The following WDTC1 variants were observed in gnomAD, a reference collection of about 807,000 sequenced individuals.
The protein encoded by WDTC1 is WD and tetratricopeptide repeats 1, also known as WD and tetratricopeptide repeats protein 1.
In WDTC1, 12 loss-of-function variants were observed where a neutral mutation model predicts 76.0. That is an observed-to-expected ratio of 0.16 (90% CI 0.10 to 0.26). The LOEUF (loss-of-function observed/expected upper bound fraction) is 0.26, where lower values mean the gene tolerates loss of function less well. WDTC1 is among the 10% of genes least tolerant of loss of function. The pLI, the probability that WDTC1 is intolerant of heterozygous loss-of-function variation, is 1.00. For synonymous variants in WDTC1, 326 were observed against 350.8 expected, an observed-to-expected ratio of 0.93 and a Z score of 0.79; for missense variants, 511 against 908.8, an observed-to-expected ratio of 0.56 and a Z score of 5.63.
Position 27,237,278 on chromosome 1 carries a change from C to T in WDTC1, c.-100+2327C>T, listed in dbSNP as rs115394492. Among the ~76,000 whole-genome samples the T allele has an allele frequency of 4.6e-3, 700 of 152,318 alleles. 6 individuals carry two copies. Among genetic ancestry groups the T allele is most frequent in the African/African-American group, 0.016 (670 of 41,566 alleles). On this transcript the variant is annotated intron_variant, in intron 1 of 15. Coordinates refer to ENST00000319394, the MANE Select transcript of WDTC1 (RefSeq NM_001276252.2). ...ACACGGCCTCCGTGACCACTCTCTTCTCTCTTTTTAAAAATTAAGGAATGT... is the reference window on the plus strand; with the variant it reads ...ACACGGCCTCCGTGACCACTCTCTTTTCTCTTTTTAAAAATTAAGGAATGT...
chr1:27,303,941 C>T lies in WDTC1; in HGVS notation c.1643+146C>T. On this transcript the variant is annotated intron_variant, in intron 14 of 15. Transcript: ENST00000319394. The surrounding 1 kb of genome is among the most constrained non-coding windows in gnomAD (Gnocchi z 4.8). Reference sequence around the variant, plus strand: ...GGCAAATGGCTTCACCTTTGTCAGCCTCTAAAGTTTTTTAATCTATGAAAT... The same window carrying T: ...GGCAAATGGCTTCACCTTTGTCAGCTTCTAAAGTTTTTTAATCTATGAAAT... The T allele has an allele frequency of 1.8e-6, 2 of 1,114,302 alleles. No homozygotes were observed. Among genetic ancestry groups the T allele is most frequent in the Non-Finnish European group, 2.5e-6 (2 of 787,670 alleles). The allele number at this position is 1,114,302 out of a possible 1,614,324, so 69.0% of individuals were successfully genotyped here.
At chr1:27,304,898 C>T in intron 14 of WDTC1, 103 bp from the exon 15 acceptor site, 2 of 1,215,426 alleles carry the variant, frequency 1.6e-6, no homozygotes, top group South Asian at 3.1e-5. Context: ...GACTGAGTGG[C>T]TGCAGACTTC....
At chr1:27,299,487 G>A (rs1000813549) in intron 12 of WDTC1, among the ~76,000 whole-genome samples, 1 of 151,934 alleles carries the variant, frequency 6.6e-6, no homozygotes, top group African/African-American at 2.4e-5. Flanking sequence ...TGAAGGAGAG[G>A]AGGGGCCTGT....
At position 27,282,659 on chromosome 1, in the gene WDTC1, T is replaced by C. The variant is rs565969863; in HGVS notation, c.179+374T>C. On this transcript the variant is annotated intron_variant, in intron 4 of 15. Coordinates refer to ENST00000319394, the MANE Select transcript of WDTC1 (RefSeq NM_001276252.2). ...CTGGGACTACAGGCATGCGCCACCA[T>C]GCCTGGCTAATTTTTTGTATTTTTA... Among the ~76,000 whole-genome samples, 31 of 151,972 alleles carry C rather than the reference T, an allele frequency of 2.0e-4. 1 individual carries two copies. The highest frequency in any genetic ancestry group is 2.6e-4 in the Non-Finnish European group (18 of 67,976).
At chr1:27,281,316 T>A (rs1219248802) in intron 3 of WDTC1, among the ~76,000 whole-genome samples, 3 of 151,714 alleles carry the variant, frequency 2.0e-5, no homozygotes, top group African/African-American at 7.3e-5. Context: ...TAGCCTGGCG[T>A]GTTGGCGGGC....
chr1:27,287,146 G>C (rs1570974162), intron 5 of WDTC1, among the ~76,000 whole-genome samples: 1 of 150,960 alleles, frequency 6.6e-6, no homozygotes, highest in South Asian at 2.1e-4. Context: ...CTGGGTGACA[G>C]AGCGAGACGC....
chr1:27,306,625 CATA>C lies in WDTC1; in HGVS notation c.*243_*245del. The stretch of plus-strand genomic sequence containing the variant: ...AAAAGAGCAGGAGGGGACACCCCTC[CATA>C]TGCCCCCCCCCATCTCCTGCTTTCA... On this transcript the variant is annotated 3_prime_UTR_variant, in exon 16 of 16. Transcript: ENST00000319394. This position sits in a 1 kb window ranked among gnomAD's most constrained non-coding sequence, Gnocchi z 5.0. The C allele has an allele frequency of 3.5e-6, 2 of 563,390 alleles. No homozygotes were observed. The highest frequency in any genetic ancestry group is 6.3e-6 in the Non-Finnish European group (2 of 316,996). The allele number at this position is 563,390 out of a possible 1,614,324, so 34.9% of individuals were successfully genotyped here.
chr1:27,300,506 A>T (rs1163075039), intron 12 of WDTC1, among the ~76,000 whole-genome samples: 3 of 152,060 alleles, frequency 2.0e-5, no homozygotes, highest in Non-Finnish European at 4.4e-5. Context: ...CCGCTTCCCC[A>T]TCAAAAGCAC....
chr1:27,267,831 G>A (rs2012722160), intron 3 of WDTC1, among the ~76,000 whole-genome samples: 2 of 152,060 alleles, frequency 1.3e-5, no homozygotes, highest in Admixed American at 1.3e-4. Flanking sequence ...GTTCTGTTGT[G>A]TATGTGGACC....
At chr1:27,264,628 CTTTGTTTTGTTTTGT>C (rs201984611) in intron 3 of WDTC1, among the ~76,000 whole-genome samples, 31 of 150,990 alleles carry the variant, frequency 2.1e-4, no homozygotes, top group South Asian at 8.4e-4. Context: ...TTTTGTGGGT[CTTTGTTTTGTTTTGT>C]TTTGTTTTGT....
chr1:27,250,860 CTTGT>C (rs1283622934), intron 1 of WDTC1, among the ~76,000 whole-genome samples: 5 of 146,370 alleles, frequency 3.4e-5, no homozygotes, highest in African/African-American at 7.8e-5. Context: ...TGTTAATTGA[CTTGT>C]TTTTTTTTTT....
rs2012966707 is a variant in WDTC1, at chr1:27,274,524, G to C, written c.133-7715G>C. Among the ~76,000 whole-genome samples the C allele has an allele frequency of 6.6e-6, 1 of 152,154 alleles. No individual in the cohort carries two copies. The highest frequency in any genetic ancestry group is 2.4e-5 in the African/African-American group (1 of 41,434). On this transcript the variant is annotated intron_variant, in intron 3 of 15. Coordinates refer to ENST00000319394, the MANE Select transcript of WDTC1 (RefSeq NM_001276252.2). The surrounding 1 kb of genome is among the most constrained non-coding windows in gnomAD (Gnocchi z 4.2). Reference sequence around the variant, plus strand: ...GTAGTGGCAGCAACCAAGTAAGAGAGCCAGAAGGGAGGTTGAGATTAAACA... The same window carrying C: ...GTAGTGGCAGCAACCAAGTAAGAGACCCAGAAGGGAGGTTGAGATTAAACA...
At chr1:27,235,299 A>G (rs1352188309) in intron 1 of WDTC1, among the ~76,000 whole-genome samples, 15 of 152,044 alleles carry the variant, frequency 9.9e-5, no homozygotes, top group Non-Finnish European at 1.8e-4. Flanking sequence ...GGAGTCAGGA[A>G]GAAGGGGCAG....
chr1:27,275,998 G>A lies in WDTC1; in HGVS notation c.133-6241G>A, dbSNP rs116224862. 9.7e-3 allele frequency among the ~76,000 whole-genome samples: 1,477 copies of A among 152,318 alleles called. 18 individuals are homozygous for A. Among genetic ancestry groups the A allele is most frequent in the Middle Eastern group, 0.034 (10 of 294 alleles). On this transcript the variant is annotated intron_variant, in intron 3 of 15. Coordinates refer to ENST00000319394, the MANE Select transcript of WDTC1 (RefSeq NM_001276252.2). ...TTTCACGTAAATGAAATTATAAAGT[G>A]TGTGGCTTTTTAGCATAATGCTTTT...
chr1:27,282,191 G>A (rs1176021156), intron 3 of WDTC1, 48 bp from the exon 4 acceptor site: 2 of 1,593,240 alleles, frequency 1.3e-6, no homozygotes, highest in South Asian at 2.2e-5. Context: ...AGTTCCCCAG[G>A]AGAACCCCTA....
At chr1:27,255,768 C>T (rs1036927975) in intron 1 of WDTC1, among the ~76,000 whole-genome samples, 1 of 152,088 alleles carries the variant, frequency 6.6e-6, no homozygotes, top group African/African-American at 2.4e-5. Flanking sequence ...GGGGTTTCAC[C>T]ATGTTGGCTG....
intron 1 of WDTC1, among the ~76,000 whole-genome samples, chr1:27,250,149 C>T (rs2011989941): frequency 6.6e-6 from 1 of 152,088 alleles, no homozygotes; most frequent in African/African-American, 2.4e-5. Context: ...ATTTGTTGAG[C>T]ACCTACTACA....
At chr1:27,260,356 C>T (rs1046940402) in intron 1 of WDTC1, among the ~76,000 whole-genome samples, 1 of 152,210 alleles carries the variant, frequency 6.6e-6, no homozygotes, top group Admixed American at 6.5e-5. Context: ...CCGCCCACCT[C>T]GGCCTCCCGA....
At chr1:27,264,459 AAAAACC>A (rs1246174780) in intron 3 of WDTC1, among the ~76,000 whole-genome samples, 14 of 152,014 alleles carry the variant, frequency 9.2e-5, no homozygotes, top group African/African-American at 3.1e-4. Context: ...GTTTAAAAAA[AAAAACC>A]AAAACCAAAA....
Sources: gnomAD v4.1 joint callset for allele counts (sites outside exome capture counted in the v4.1 genomes callset) on GRCh38, gnomAD v4.1.1 for gene constraint, Gnocchi (gnomAD v3.1) non-coding constraint, MANE v1.5 for transcripts, NCBI Gene and HGNC (gene_info 2026-07-23, HGNC 2026-07-21) for gene names.